The following FRZB variants were observed in gnomAD, a reference collection of about 807,000 sequenced individuals.
The protein encoded by FRZB is secreted frizzled-related protein 3.
In FRZB, 34 loss-of-function variants were observed where a neutral mutation model predicts 32.5. The ratio of observed to expected loss-of-function variants is 1.05; its 90% CI spans 0.80 to 1.39. The LOEUF (loss-of-function observed/expected upper bound fraction) is 1.39. Among genes scored for constraint, FRZB ranks in the 40% most tolerant of loss-of-function variants. The probability of loss-of-function intolerance (pLI) is 0.00; values close to 1 mark genes in which losing one functional copy is unlikely to be tolerated. For missense variants in FRZB, 423 were observed against 424.8 expected (o/e 1.00, Z 0.04); for synonymous variants, 170 against 159.2 (o/e 1.07, Z -0.51).
chr2:182,843,648 A>T (rs561211211), intron 2 of FRZB, among the ~76,000 whole-genome samples: 130 of 152,246 alleles, frequency 8.5e-4, no homozygotes, highest in Admixed American at 1.4e-3. Context: ...GCTGGGCACA[A>T]GCGCTCACGC....
Position 182,866,162 on chromosome 2 carries a change from GC to G in FRZB, c.390del (p.Trp130CysfsTer77). ...EPILIKYRHS[W>X]PENLACEELP... ...AGCTCCTCGCAGGCCAGGTTCTCCG[GC>G]CACGAGTGGCGGTACTTGATGAGTA... On this transcript the variant is annotated frameshift_variant, in exon 1 of 6. Coordinates refer to ENST00000295113, the MANE Select transcript of FRZB (RefSeq NM_001463.4). LOFTEE classifies it high-confidence loss of function. The surrounding 1 kb of genome is among the most constrained non-coding windows in gnomAD (Gnocchi z 4.5). 6.2e-7 allele frequency: 1 copy of G among 1,614,124 alleles called. No homozygotes were observed. Among genetic ancestry groups the G allele is most frequent in the Non-Finnish European group, 8.5e-7 (1 of 1,179,996 alleles).
At chr2:182,835,215 T>A (rs986850438) in intron 5 of FRZB, among the ~76,000 whole-genome samples, 3 of 152,138 alleles carry the variant, frequency 2.0e-5, no homozygotes, top group Non-Finnish European at 4.4e-5. Flanking sequence ...AAACTTAAAA[T>A]GTCCATGTCT....
intron 5 of FRZB, among the ~76,000 whole-genome samples, chr2:182,837,499 G>T (rs1349945412): frequency 6.7e-6 from 1 of 148,510 alleles, no homozygotes; most frequent in East Asian, 1.9e-4. Context: ...AGTAAAAACT[G>T]CTTGATGAGG....
chr2:182,860,572 A>G (rs1279143012), intron 1 of FRZB, among the ~76,000 whole-genome samples: 1 of 152,102 alleles, frequency 6.6e-6, no homozygotes, highest in East Asian at 1.9e-4. Flanking sequence ...AGGTAGAATC[A>G]AGACTGCTTC....
At chr2:182,835,024 A>G (rs2105750078) in intron 5 of FRZB, 59 bp from the exon 6 acceptor site, 1 of 1,250,116 alleles carries the variant, frequency 8.0e-7, no homozygotes, top group East Asian at 2.3e-5. Context: ...CATTATTTCC[A>G]TGATTCTAAC....
chr2:182,864,303 G>C (rs945852687), intron 1 of FRZB, among the ~76,000 whole-genome samples: 1 of 152,076 alleles, frequency 6.6e-6, no homozygotes, highest in Non-Finnish European at 1.5e-5. Context: ...TGTGCTTTAC[G>C]GGGAGGAATG....
intron 2 of FRZB, among the ~76,000 whole-genome samples, chr2:182,855,820 A>T (rs1695761905): frequency 6.6e-6 from 1 of 152,180 alleles, no homozygotes; most frequent in Non-Finnish European, 1.5e-5. Context: ...GTAAACTCAA[A>T]GGAATCAATG....
At chr2:182,863,917 T>C (rs1342310026) in intron 1 of FRZB, among the ~76,000 whole-genome samples, 1 of 152,118 alleles carries the variant, frequency 6.6e-6, no homozygotes, top group Non-Finnish European at 1.5e-5. Context: ...CCCCCACCTT[T>C]GAGCTCCCCT....
At chr2:182,834,996 A>G in intron 5 of FRZB, 31 bp from the exon 6 acceptor site, 1 of 1,428,556 alleles carries the variant, frequency 7.0e-7, no homozygotes, top group Non-Finnish European at 9.9e-7. Context: ...AATAGTCACA[A>G]GCACATATCA....
At chr2:182,848,212 T>C (rs1695667903) in intron 2 of FRZB, among the ~76,000 whole-genome samples, 1 of 152,148 alleles carries the variant, frequency 6.6e-6, no homozygotes, top group Non-Finnish European at 1.5e-5. Context: ...GGCCCAGAAC[T>C]GCTCATGGAA....
intron 5 of FRZB, among the ~76,000 whole-genome samples, chr2:182,835,448 G>C (rs1026934371): frequency 7.5e-6 from 1 of 132,482 alleles, no homozygotes; most frequent in Non-Finnish European, 1.6e-5. Flanking sequence ...TTTGAGGGAT[G>C]GGGGGGTCTC....
chr2:182,837,785 T>A (rs992631515), intron 5 of FRZB, among the ~76,000 whole-genome samples, 163 bp downstream of exon 5: 3 of 151,964 alleles, frequency 2.0e-5, no homozygotes, highest in African/African-American at 7.2e-5. Flanking sequence ...AAAATAGACA[T>A]TAAAGACAAA....
chr2:182,860,828 C>G (rs1695822919), intron 1 of FRZB, among the ~76,000 whole-genome samples: 1 of 146,482 alleles, frequency 6.8e-6, no homozygotes, highest in Non-Finnish European at 1.5e-5. Context: ...GATCACGCCA[C>G]TGCACTCCAG....
chr2:182,861,480 G>A (rs78674541), intron 1 of FRZB, among the ~76,000 whole-genome samples: 4 of 152,164 alleles, frequency 2.6e-5, no homozygotes, highest in South Asian at 2.1e-4. Context: ...CCCCAATGAC[G>A]TTGTTGTTAA....
Position 182,854,552 on chromosome 2 carries a change from A to G in FRZB, c.526+4234T>C, listed in dbSNP as rs552492312. On this transcript the variant is annotated intron_variant, in intron 2 of 5. Coordinates refer to ENST00000295113, the MANE Select transcript of FRZB (RefSeq NM_001463.4). ...AGTACACTCCAGTTCTAACTCAAGA[A>G]GTGGAAAGGATCTCTAACATATCAG... is the stretch of plus-strand genomic sequence containing the variant. Among the ~76,000 whole-genome samples, 11 of 152,318 alleles carry G rather than the reference A, an allele frequency of 7.2e-5. No homozygotes were observed. In the South Asian group the frequency reaches 2.3e-3, roughly 32 times the overall value.
Position 182,837,945 on chromosome 2 carries a change from TAC to T in FRZB, c.861+1_861+2del, listed in dbSNP as rs767633301. Reference sequence around the variant, plus strand: ...TTACTTCAAACATAAAATACAGGCTTACCTTAACTTTTTTACCGAGTCGATCC... The same window carrying T: ...TTACTTCAAACATAAAATACAGGCTTCTTAACTTTTTTACCGAGTCGATCC... On this transcript the variant is annotated splice_donor_variant, in intron 5 of 5. Coordinates refer to ENST00000295113, the MANE Select transcript of FRZB (RefSeq NM_001463.4). LOFTEE classifies it high-confidence loss of function. The T allele has an allele frequency of 6.2e-7, 1 of 1,609,592 alleles. No individual in the cohort carries two copies. The highest frequency in any genetic ancestry group is 8.5e-7 in the Non-Finnish European group (1 of 1,176,590).
chr2:182,836,385 T>C (rs564645434), intron 5 of FRZB, among the ~76,000 whole-genome samples: 5 of 152,206 alleles, frequency 3.3e-5, no homozygotes, highest in Admixed American at 1.3e-4. Context: ...CCCAAACTCT[T>C]TAGCCCTCAA....
At chr2:182,848,920 A>C (rs1041817552) in intron 2 of FRZB, among the ~76,000 whole-genome samples, 2 of 152,200 alleles carry the variant, frequency 1.3e-5, no homozygotes, top group African/African-American at 4.8e-5. Flanking sequence ...ATAAGACACC[A>C]GACAATTTAA....
intron 2 of FRZB, among the ~76,000 whole-genome samples, chr2:182,849,023 C>T (rs931319744): frequency 6.6e-6 from 1 of 152,014 alleles, no homozygotes; most frequent in African/African-American, 2.4e-5. Flanking sequence ...GTCAGGAGAT[C>T]GAGACCATCC....
Sources: gnomAD v4.1 joint callset for allele counts (sites outside exome capture counted in the v4.1 genomes callset) on GRCh38, gnomAD v4.1.1 for gene constraint, Gnocchi (gnomAD v3.1) non-coding constraint, MANE v1.5 for transcripts, NCBI Gene and HGNC (gene_info 2026-07-23, HGNC 2026-07-21) for gene names.